The following USP9X variants were observed in gnomAD, a reference collection of about 807,000 sequenced individuals.
The protein encoded by USP9X is ubiquitin specific peptidase 9 X-linked.
Under a neutral mutation model 190.3 loss-of-function variants are expected in USP9X, and 7 were observed. The ratio of observed to expected loss-of-function variants is 0.04; its 90% CI spans 0.02 to 0.07. The LOEUF is 0.07. Ranked by LOEUF, USP9X falls within the 10% of genes least tolerant of loss-of-function variation. USP9X has a pLI of 1.00. For synonymous variants in USP9X, 645 were observed against 659.5 expected, an observed-to-expected ratio of 0.98 and a Z score of 0.34; for missense variants, 1,010 against 1,916.9, an observed-to-expected ratio of 0.53 and a Z score of 8.83.
At chrX:41,171,714 A>G (rs771207860) in intron 20 of USP9X, 124 bp from the exon 21 acceptor site, 22 of 842,490 alleles carry the variant, frequency 2.6e-5, no homozygotes, top group Middle Eastern at 2.9e-4. Flanking sequence ...AAGTCAGACT[A>G]TTTCAAAGAG....
At chrX:41,151,584 A>G (rs1012587535) in intron 13 of USP9X, among the ~76,000 whole-genome samples, 6 of 112,518 alleles carry the variant, frequency 5.3e-5, no homozygotes, top group Admixed American at 4.7e-4. Flanking sequence ...TGTGAAGAGA[A>G]AGAGAGCAGG....
At chrX:41,096,513 G>A (rs1569145866) in intron 1 of USP9X, among the ~76,000 whole-genome samples, 2 of 111,937 alleles carry the variant, frequency 1.8e-5, no homozygotes, top group Admixed American at 1.9e-4. Flanking sequence ...TGTGATCTCA[G>A]CTCAGTGCAA....
chrX:41,115,655 A>T (rs2062143133), intron 1 of USP9X, among the ~76,000 whole-genome samples: 1 of 112,457 alleles, frequency 8.9e-6, no homozygotes, highest in Non-Finnish European at 1.9e-5. Flanking sequence ...TATTTGATGC[A>T]CTGTGTACTT....
At chrX:41,094,184 C>CTTT (rs56901756) in intron 1 of USP9X, among the ~76,000 whole-genome samples, 4 of 100,076 alleles carry the variant, frequency 4.0e-5, no homozygotes, top group African/African-American at 1.5e-4. Context: ...TTTCTTTTTT[C>CTTT]TTTTTTTTTG....
chrX:41,136,682 A>T, intron 5 of USP9X, 122 bp from the exon 6 acceptor site: 3 of 514,198 alleles, frequency 5.8e-6, no homozygotes, highest in Admixed American at 3.8e-5. Flanking sequence ...TGATCCCAAT[A>T]TTAATGATTA....
At chrX:41,093,391 A>G (rs1320488540) in intron 1 of USP9X, among the ~76,000 whole-genome samples, 1 of 112,469 alleles carries the variant, frequency 8.9e-6, no homozygotes, top group African/African-American at 3.2e-5. Flanking sequence ...AGCAGAAAAC[A>G]AAAAAGTAAA....
chrX:41,125,684 A>ACACACACACACACCCTCTCTCTCT, intron 2 of USP9X, among the ~76,000 whole-genome samples: 1 of 19,027 alleles, frequency 5.3e-5, no homozygotes, highest in Admixed American at 7.6e-4. Context: ...ACACACACAC[A>ACACACACACACACCCTCTCTCTCT]CTCTCTCTCT....
At chrX:41,132,402 C>T (rs1302178278) in intron 4 of USP9X, among the ~76,000 whole-genome samples, 1 of 102,099 alleles carries the variant, frequency 9.8e-6, no homozygotes, top group African/African-American at 3.7e-5. Context: ...CTCCCCGGTT[C>T]AAGCGATTCT....
chrX:41,107,375 T>TC (rs2062078554), intron 1 of USP9X, among the ~76,000 whole-genome samples: 1 of 112,435 alleles, frequency 8.9e-6, no homozygotes, highest in African/African-American at 3.2e-5. Flanking sequence ...CTTCTGGCCT[T>TC]CAAGTTTTCT....
chrX:41,180,618 T>G (rs901763498), intron 21 of USP9X, among the ~76,000 whole-genome samples: 1 of 112,372 alleles, frequency 8.9e-6, no homozygotes, highest in South Asian at 3.6e-4. Context: ...AACATAAGTT[T>G]CATAGTTTAT....
chrX:41,172,285 C>T (rs532484075), intron 21 of USP9X, among the ~76,000 whole-genome samples: 5 of 111,930 alleles, frequency 4.5e-5, no homozygotes, highest in African/African-American at 9.7e-5. Context: ...AAAATAGCAC[C>T]GCCCAGGAGT....
intron 25 of USP9X, among the ~76,000 whole-genome samples, chrX:41,188,556 A>C (rs1215992026): frequency 8.9e-6 from 1 of 112,193 alleles, no homozygotes; most frequent in Non-Finnish European, 1.9e-5. Context: ...AGATTAAGCA[A>C]ATTATCTACA....
chrX:41,086,927 A>AAAT (rs1371900423), intron 1 of USP9X, among the ~76,000 whole-genome samples: 1 of 112,816 alleles, frequency 8.9e-6, no homozygotes, highest in African/African-American at 3.2e-5. Flanking sequence ...ATTCATTGTG[A>AAAT]AATAAGTTAA....
chrX:41,150,845 T>C (rs2062518540), intron 12 of USP9X, 76 bp from the exon 13 acceptor site: 17 of 971,061 alleles, frequency 1.8e-5, no homozygotes, highest in Non-Finnish European at 2.2e-5. Context: ...TTTTATTTTA[T>C]AATTCTCAAA....
chrX:41,183,428 C>T (rs1235171337), intron 21 of USP9X, among the ~76,000 whole-genome samples: 10 of 111,637 alleles, frequency 9.0e-5, no homozygotes, highest in Non-Finnish European at 1.9e-4. Context: ...TATTTTTCCC[C>T]CACTGTGTCT....
chrX:41,153,018 C>T lies in USP9X; in HGVS notation c.1834C>T (p.Leu612=). The change falls in exon 14 of 45, where the codon CTA becomes TTA. Residue 612 remains leucine, a synonymous_variant. Transcript: ENST00000378308. ...LINQLQHNHA[L]VTLVAENLAT... ...CAATCAACTTCAACACAATCATGCCCTAGTTACTTTGGTAGCAGAAAACCT... is the reference window on the plus strand; with the variant it reads ...CAATCAACTTCAACACAATCATGCCTTAGTTACTTTGGTAGCAGAAAACCT... 1 of 1,210,570 alleles carries T rather than the reference C, an allele frequency of 8.3e-7. No homozygotes were observed. The highest frequency in any genetic ancestry group is 3.0e-5 in the East Asian group (1 of 33,785).
At chrX:41,163,328 TA>T (rs2062649658) in intron 15 of USP9X, among the ~76,000 whole-genome samples, 1 of 111,490 alleles carries the variant, frequency 9.0e-6, no homozygotes, top group Non-Finnish European at 1.9e-5. Context: ...CATGTGTTAA[TA>T]ATATCATTTC....
chrX:41,198,797 A>T (rs1033644109), intron 30 of USP9X, 47 bp downstream of exon 30: 1 of 1,072,793 alleles, frequency 9.3e-7, no homozygotes, highest in Non-Finnish European at 1.3e-6. Context: ...TCAATGTTTC[A>T]AAGTTGTTTT....
Position 41,232,925 on chromosome X carries a change from A to C in USP9X, c.*401A>C. Reference sequence around the variant, plus strand: ...TCATGGCAGTTGGATCAGCTCCTTTACAAAAAAGAAAAAAAAAAAACCAAC... The same window carrying C: ...TCATGGCAGTTGGATCAGCTCCTTTCCAAAAAAGAAAAAAAAAAAACCAAC... On this transcript the variant is annotated 3_prime_UTR_variant, in exon 45 of 45. Transcript: ENST00000378308. 1 of 114,626 alleles carries C rather than the reference A, an allele frequency of 8.7e-6. No homozygotes were observed. The highest frequency in any genetic ancestry group is 1.8e-5 in the Non-Finnish European group (1 of 54,386). 9.4% of individuals were successfully genotyped at this position (114,626 alleles called of 1,213,427 possible).
Sources: allele counts gnomAD v4.1 joint callset (sites outside exome capture counted in the v4.1 genomes callset), GRCh38; gene constraint gnomAD v4.1.1; transcripts MANE v1.5; gene names NCBI Gene and HGNC (gene_info 2026-07-23, HGNC 2026-07-21).